Variants in ZFPM2 observed in about 807,000 individuals in gnomAD.
ZFPM2 encodes the protein zinc finger protein ZFPM2.
Under a neutral mutation model 98.6 loss-of-function variants are expected in ZFPM2, and 20 were observed. The ratio of observed to expected loss-of-function variants is 0.20; its 90% CI spans 0.14 to 0.29. The LOEUF (loss-of-function observed/expected upper bound fraction) is 0.29, where lower values mean the gene tolerates loss of function less well. ZFPM2 is among the 10% of genes least tolerant of loss of function. ZFPM2 has a pLI of 1.00. For synonymous variants in ZFPM2, 518 were observed against 502.7 expected (o/e 1.03, Z -0.41); for missense variants, 1,310 against 1,388.6 (o/e 0.94, Z 0.90).
chr8:105,319,034 G>A (rs533316768), intron 1 of ZFPM2, 53 bp downstream of exon 1: 2 of 1,468,402 alleles, frequency 1.4e-6, no homozygotes, highest in South Asian at 1.3e-5. Context: ...CAGGAGCGGG[G>A]TGCGCGGGAC....
At chr8:105,611,764 T>C (rs1297295450) in intron 4 of ZFPM2, among the ~76,000 whole-genome samples, 1 of 151,618 alleles carries the variant, frequency 6.6e-6, no homozygotes, top group Non-Finnish European at 1.5e-5. Flanking sequence ...AATGGTGCGA[T>C]CTTGGCTCAC....
At chr8:105,445,728 G>A (rs992541495) in intron 3 of ZFPM2, among the ~76,000 whole-genome samples, 4 of 149,038 alleles carry the variant, frequency 2.7e-5, no homozygotes, top group African/African-American at 9.9e-5. Flanking sequence ...CCTCAGCCCC[G>A]CAAGTAGCTG....
At chr8:105,786,041 CAAAAA>C (rs60740995) in intron 5 of ZFPM2, among the ~76,000 whole-genome samples, 417 of 39,790 alleles carry the variant, frequency 0.01, 2 homozygotes, top group South Asian at 0.018. Context: ...GACTCCGTCT[CAAAAA>C]AAAAAAAAAA....
At chr8:105,572,033 C>CTTTTTTTT (rs869198147) in intron 4 of ZFPM2, among the ~76,000 whole-genome samples, 4 of 103,368 alleles carry the variant, frequency 3.9e-5, no homozygotes, top group Admixed American at 1.2e-4. Flanking sequence ...GGGTAAATTT[C>CTTTTTTTT]TTTTTTTTTT....
chr8:105,643,043 G>A (rs976962313), intron 5 of ZFPM2, among the ~76,000 whole-genome samples: 1 of 152,114 alleles, frequency 6.6e-6, no homozygotes, highest in African/African-American at 2.4e-5. Context: ...TTGAATGCTC[G>A]TTCTGAAAAC....
intron 5 of ZFPM2, among the ~76,000 whole-genome samples, chr8:105,641,744 T>C (rs1487005694): frequency 6.6e-6 from 1 of 152,166 alleles, no homozygotes; most frequent in Non-Finnish European, 1.5e-5. Context: ...CTATATGCTA[T>C]ATGATGTGAA....
At chr8:105,792,730 G>A (rs192569711) in intron 6 of ZFPM2, among the ~76,000 whole-genome samples, 1,809 of 152,268 alleles carry the variant, frequency 0.012, 35 homozygotes, top group African/African-American at 0.036. Context: ...AAGTCTCTTT[G>A]TAGGTCACTC....
At chr8:105,578,114 A>G (rs1403754228) in intron 4 of ZFPM2, among the ~76,000 whole-genome samples, 1 of 152,130 alleles carries the variant, frequency 6.6e-6, no homozygotes, top group Non-Finnish European at 1.5e-5. Flanking sequence ...GATAGAGGAT[A>G]AAAGTATACT....
Position 105,487,222 on chromosome 8 carries a change from C to T in ZFPM2, c.301+42841C>T, listed in dbSNP as rs190395467. On this transcript the variant is annotated intron_variant, in intron 3 of 7. Transcript: ENST00000407775. ...GGACCTCCTGGGCTCAAGCGATCCT[C>T]CCACCGCAGCCTCCTTACTCGAGTA... 3.4e-3 allele frequency among the ~76,000 whole-genome samples: 525 copies of T among 152,218 alleles called. 2 individuals are homozygous for T. The highest frequency in any genetic ancestry group is 0.012 in the African/African-American group (507 of 41,532).
At chr8:105,492,561 G>A (rs1376583294) in intron 3 of ZFPM2, among the ~76,000 whole-genome samples, 1 of 152,120 alleles carries the variant, frequency 6.6e-6, no homozygotes, top group African/African-American at 2.4e-5. Context: ...CCAACAAAGT[G>A]TCAAGTACAA....
At chr8:105,336,157 G>A (rs1320874589) in intron 1 of ZFPM2, among the ~76,000 whole-genome samples, 1 of 151,710 alleles carries the variant, frequency 6.6e-6, no homozygotes, top group Non-Finnish European at 1.5e-5. Context: ...TCTTTCATTG[G>A]GGTTCACGTT....
chr8:105,437,061 G>T (rs1563657828), intron 2 of ZFPM2, among the ~76,000 whole-genome samples: 1 of 151,192 alleles, frequency 6.6e-6, no homozygotes, highest in Non-Finnish European at 1.5e-5. Flanking sequence ...TTTTTTATTT[G>T]CATTCTTTCT....
chr8:105,622,774 G>T (rs1390345709), intron 4 of ZFPM2, among the ~76,000 whole-genome samples: 1 of 151,848 alleles, frequency 6.6e-6, no homozygotes, highest in Non-Finnish European at 1.5e-5. Context: ...TAAAAGTGCA[G>T]AATTAGTATA....
chr8:105,656,827 C>G (rs1405690695), intron 5 of ZFPM2, among the ~76,000 whole-genome samples: 1 of 152,136 alleles, frequency 6.6e-6, no homozygotes, highest in East Asian at 1.9e-4. Context: ...TACTTGTATT[C>G]TGATTCCTGA....
At position 105,477,936 on chromosome 8, in the gene ZFPM2, A is replaced by T. The variant is rs551405530; in HGVS notation, c.301+33555A>T. On this transcript the variant is annotated intron_variant, in intron 3 of 7. Transcript: ENST00000407775. ...TTCTGCTTCAGATCACTCAGGATTA[A>T]GGGTTGTATTCATCACTTTTTTCCT... 1.3e-5 allele frequency among the ~76,000 whole-genome samples: 2 copies of T among 152,284 alleles called. 1 individual carries two copies. The highest frequency in any genetic ancestry group is 3.9e-4 in the East Asian group (2 of 5,180).
intron 5 of ZFPM2, among the ~76,000 whole-genome samples, chr8:105,694,942 A>G (rs192846153): frequency 1.2e-4 from 18 of 152,266 alleles, no homozygotes; most frequent in African/African-American, 4.1e-4. Context: ...AGCCAGGACA[A>G]TCCATATGAC....
At chr8:105,651,586 A>G (rs1817177748) in intron 5 of ZFPM2, among the ~76,000 whole-genome samples, 1 of 152,082 alleles carries the variant, frequency 6.6e-6, no homozygotes, top group Non-Finnish European at 1.5e-5. Flanking sequence ...ACCATTAAAT[A>G]TTTAGTGTGT....
chr8:105,756,834 G>C (rs1812610049), intron 5 of ZFPM2, among the ~76,000 whole-genome samples: 1 of 152,100 alleles, frequency 6.6e-6, no homozygotes, highest in African/African-American at 2.4e-5. Context: ...TGCTCTGTTT[G>C]ATCAAGTGCT....
At chr8:105,510,413 GT>G (rs1306073922) in intron 3 of ZFPM2, among the ~76,000 whole-genome samples, 220 of 138,512 alleles carry the variant, frequency 1.6e-3, no homozygotes, top group African/African-American at 4.4e-3. Context: ...TTTTTTTTTT[GT>G]TTGTTTGTTT....
Sources: gnomAD v4.1 joint callset for allele counts (sites outside exome capture counted in the v4.1 genomes callset) on GRCh38, gnomAD v4.1.1 for gene constraint, MANE v1.5 for transcripts, NCBI Gene and HGNC (gene_info 2026-07-23, HGNC 2026-07-21) for gene names.